The following GRAMD1C variants were observed in gnomAD, a reference collection of about 807,000 sequenced individuals.
GRAMD1C encodes protein Aster-C.
GRAMD1C carries 89 observed loss-of-function variants against 97.8 expected under a neutral mutation model. The observed-to-expected ratio is 0.91, with a 90% CI of 0.77 to 1.09. The LOEUF is 1.09. Among genes scored for constraint, GRAMD1C ranks in the 50% least tolerant of loss-of-function variants. The pLI, the probability that GRAMD1C is intolerant of heterozygous loss-of-function variation, is 0.00. For synonymous variants in GRAMD1C, 256 were observed against 267.0 expected, an observed-to-expected ratio of 0.96 and a Z score of 0.40; for missense variants, 740 against 766.4, an observed-to-expected ratio of 0.97 and a Z score of 0.41.
At chr3:113,904,610 G>GT (rs199523688) in intron 8 of GRAMD1C, among the ~76,000 whole-genome samples, 4,163 of 146,702 alleles carry the variant, frequency 0.028, 147 homozygotes, top group African/African-American at 0.084. Flanking sequence ...GAAAGAATCT[G>GT]TTTTTTTTTT....
chr3:113,839,529 G>A (rs1709723694), intron 1 of GRAMD1C, among the ~76,000 whole-genome samples: 1 of 152,196 alleles, frequency 6.6e-6, no homozygotes, highest in South Asian at 2.1e-4. Context: ...GAGAACTGCG[G>A]TCAGTGCTAT....
intron 6 of GRAMD1C, among the ~76,000 whole-genome samples, chr3:113,889,314 G>A (rs1042565937): frequency 1.3e-5 from 2 of 152,168 alleles, no homozygotes; most frequent in African/African-American, 4.8e-5. Context: ...AGTGAAAGAC[G>A]CCAGTCATAA....
At position 113,933,568 on chromosome 3, in the gene GRAMD1C, A is replaced by C. The variant is rs1482326569; in HGVS notation, c.1267A>C (p.Thr423Pro). 2.5e-6 allele frequency: 4 copies of C among 1,603,344 alleles called. No homozygotes were observed. The Admixed American group carries it at 5.0e-5, about 20-fold the overall frequency. The change falls in exon 12 of 18, where the codon ACA (threonine) becomes CCA (proline). Residue 423 changes from threonine to proline, a missense_variant. Coordinates refer to ENST00000358160, the MANE Select transcript of GRAMD1C (RefSeq NM_017577.5). ...RFYLVDSEVL[T>P]HDVPYHDYFY... is the part of the protein sequence containing the mutation. ...TTATTTGGTAGATTCAGAAGTACTG[A>C]CACATGATGTCCCCTACCATGATTA...
chr3:113,868,724 A>G (rs1403545592), intron 2 of GRAMD1C, among the ~76,000 whole-genome samples: 1 of 152,050 alleles, frequency 6.6e-6, no homozygotes, highest in Non-Finnish European at 1.5e-5. Flanking sequence ...AAATGTGGCC[A>G]TTTTTAAGTT....
At chr3:113,883,457 C>T (rs924751826) in intron 6 of GRAMD1C, among the ~76,000 whole-genome samples, 1 of 148,988 alleles carries the variant, frequency 6.7e-6, no homozygotes, top group South Asian at 2.2e-4. Flanking sequence ...CCCAGGATGT[C>T]GAGGCTGCGG....
intron 10 of GRAMD1C, among the ~76,000 whole-genome samples, chr3:113,927,058 G>T (rs1464168882): frequency 6.6e-6 from 1 of 152,066 alleles, no homozygotes; most frequent in Non-Finnish European, 1.5e-5. Context: ...AGGGGCGCTG[G>T]TGGGAACCCT....
chr3:113,851,737 C>T (rs1933914825), intron 2 of GRAMD1C, among the ~76,000 whole-genome samples: 2 of 152,082 alleles, frequency 1.3e-5, no homozygotes, highest in African/African-American at 2.4e-5. Context: ...AGGCTGTTCT[C>T]AAGCTCCTGA....
At chr3:113,941,596 ATTTCT>A (rs1216856645) in intron 17 of GRAMD1C, among the ~76,000 whole-genome samples, 1 of 147,362 alleles carries the variant, frequency 6.8e-6, no homozygotes, top group African/African-American at 2.5e-5. Flanking sequence ...TTTCTGAATG[ATTTCT>A]TTTCTTTGTG....
chr3:113,839,002 A>G, intron 1 of GRAMD1C, 66 bp downstream of exon 1: 18 of 971,196 alleles, frequency 1.9e-5, no homozygotes, highest in Non-Finnish European at 2.4e-5. Context: ...TCTCACGGTG[A>G]TTGCTTGAAC....
Position 113,936,417 on chromosome 3 carries a change from C to T in GRAMD1C, c.1608C>T (p.Gly536=). Residue 536 remains glycine (G), a synonymous_variant, in exon 14 of 18, where the codon GGC becomes GGT. Transcript: ENST00000358160. ...CTCAGCATTCCTCTGGAGATGTGGG[C>T]TTAGGTGCCAAAGGGGATATTACAG... ...LSSQHSSGDV[G]LGAKGDITGK... is the part of the protein sequence containing the mutation. The T allele has an allele frequency of 6.2e-7, 1 of 1,610,540 alleles. No individual in the cohort carries two copies. Among genetic ancestry groups the T allele is most frequent in the Non-Finnish European group, 8.5e-7 (1 of 1,178,316 alleles).
rs116337183 is a variant in GRAMD1C at position 113,898,748 on chromosome 3, G to A, written c.541-2283G>A. 9.2e-3 allele frequency among the ~76,000 whole-genome samples: 1,396 copies of A among 152,192 alleles called. 27 individuals are homozygous for A. The highest frequency in any genetic ancestry group is 0.032 in the African/African-American group (1,324 of 41,534). On this transcript the variant is annotated intron_variant, in intron 6 of 17. Coordinates refer to ENST00000358160, the MANE Select transcript of GRAMD1C (RefSeq NM_017577.5). The stretch of plus-strand genomic sequence containing the variant: ...ATTGTAGGTTAATATAGTTCAGCTC[G>A]AAACAGAGGCTTGCCATTTCACTTA...
rs7641160 is a variant in GRAMD1C, at chr3:113,877,858, A to G, written c.459+1598A>G. Among the ~76,000 whole-genome samples, 604 of 151,684 alleles carry G rather than the reference A, an allele frequency of 4.0e-3. 4 individuals are homozygous for G. The highest frequency in any genetic ancestry group is 0.014 in the African/African-American group (586 of 41,310). ...AATGGTGTGATCTTCGCTTACTGCA[A>G]CCTCCGCCTCCTGGGTTCAAGCGAT... On this transcript the variant is annotated intron_variant, in intron 5 of 17. Transcript: ENST00000358160.
At position 113,876,293 on chromosome 3, in the gene GRAMD1C, A is replaced by G. The variant is rs1377298829; in HGVS notation, c.459+33A>G. ...CTTTCCTATCTTTGTTATATTACAT[A>G]ATGTGAAGAAAATCTCCCTCATACT... On this transcript the variant is annotated intron_variant, in intron 5 of 17. Transcript: ENST00000358160. 5.2e-6 allele frequency: 6 copies of G among 1,150,182 alleles called. No individual in the cohort carries two copies. In the Middle Eastern group the frequency reaches 7.8e-4, roughly 149 times the overall value. The allele number at this position is 1,150,182 out of a possible 1,614,324, so 71.2% of individuals were successfully genotyped here. A position where few individuals can be genotyped will look rare whatever the true frequency, so the allele number is the denominator to read the frequency against.
intron 17 of GRAMD1C, among the ~76,000 whole-genome samples, chr3:113,941,058 C>T (rs954864982): frequency 3.3e-5 from 5 of 152,200 alleles, no homozygotes; most frequent in Non-Finnish European, 5.9e-5. Context: ...TGTGTGTCTT[C>T]TGTTTCCTAT....
intron 17 of GRAMD1C, among the ~76,000 whole-genome samples, chr3:113,943,909 G>T (rs967337199): frequency 6.6e-6 from 1 of 152,078 alleles, no homozygotes. Flanking sequence ...GCGAGACTCC[G>T]TCTCCAAAAA....
intron 11 of GRAMD1C, among the ~76,000 whole-genome samples, chr3:113,932,921 C>T (rs1187172106): frequency 2.1e-5 from 3 of 142,552 alleles, no homozygotes; most frequent in African/African-American, 7.9e-5. Flanking sequence ...CTTGCTGTGT[C>T]TCCCAGGCTG....
intron 6 of GRAMD1C, among the ~76,000 whole-genome samples, chr3:113,894,900 G>A (rs1935876098): frequency 6.6e-6 from 1 of 152,100 alleles, no homozygotes; most frequent in Non-Finnish European, 1.5e-5. Flanking sequence ...TTCTATTTTG[G>A]GAATCACTAA....
rs116660001 is a variant in GRAMD1C at position 113,940,002 on chromosome 3, T to C, written c.1802+6T>C. 12,744 of 1,425,338 alleles carry C rather than the reference T, an allele frequency of 8.9e-3. 87 individuals carry two copies. The highest frequency in any genetic ancestry group is 0.011 in the Non-Finnish European group (11,308 of 1,007,846). 88.3% of individuals were successfully genotyped at this position (1,425,338 alleles called of 1,614,324 possible). A position where few individuals can be genotyped will look rare whatever the true frequency, so the allele number is the denominator to read the frequency against. On this transcript the variant is annotated splice_donor_region_variant and intron_variant, in intron 16 of 17. Coordinates refer to ENST00000358160, the MANE Select transcript of GRAMD1C (RefSeq NM_017577.5). ...CAAGAAGAGAAATCTTTAAAGTAAG[T>C]CTTTTTCCCCCTGACCTGTATTCAC...
At chr3:113,874,724 T>C (rs1934960940) in intron 3 of GRAMD1C, among the ~76,000 whole-genome samples, 1 of 152,186 alleles carries the variant, frequency 6.6e-6, no homozygotes, top group African/African-American at 2.4e-5. Context: ...TTTACTTTTG[T>C]CTAACATCTA....
Sources: gnomAD v4.1 joint callset for allele counts (sites outside exome capture counted in the v4.1 genomes callset) on GRCh38, gnomAD v4.1.1 for gene constraint, MANE v1.5 for transcripts, NCBI Gene and HGNC (gene_info 2026-07-23, HGNC 2026-07-21) for gene names.